Variants in DOK6 observed in about 807,000 individuals in gnomAD.
DOK6 encodes downstream of tyrosine kinase 6.
A neutral mutation model predicts 44.0 loss-of-function variants in DOK6; 22 were observed. That is an observed-to-expected ratio of 0.50 (90% CI 0.36 to 0.71). The LOEUF (loss-of-function observed/expected upper bound fraction) is 0.71, where lower values mean the gene tolerates loss of function less well. Ranked by LOEUF, DOK6 falls within the 30% of genes least tolerant of loss-of-function variation. DOK6 has a pLI of 0.00. For missense variants in DOK6, 340 were observed against 416.4 expected (o/e 0.82, Z 1.60); for synonymous variants, 166 against 145.5 (o/e 1.14, Z -1.01).
At chr18:69,533,322 T>G (rs940959653) in intron 1 of DOK6, among the ~76,000 whole-genome samples, 3 of 152,212 alleles carry the variant, frequency 2.0e-5, no homozygotes, top group Non-Finnish European at 4.4e-5. Flanking sequence ...TAAGCCATTT[T>G]AATTGTGTTC....
intron 3 of DOK6, among the ~76,000 whole-genome samples, chr18:69,658,218 C>T (rs1985419013): frequency 6.6e-6 from 1 of 151,902 alleles, no homozygotes; most frequent in Non-Finnish European, 1.5e-5. Flanking sequence ...TCTCAGAGAG[C>T]TGGGAATACA....
At chr18:69,746,751 T>C (rs1978998356) in intron 6 of DOK6, among the ~76,000 whole-genome samples, 1 of 152,210 alleles carries the variant, frequency 6.6e-6, no homozygotes, top group African/African-American at 2.4e-5. Context: ...AAATGGAAGA[T>C]TAAGGGTGAG....
At chr18:69,661,647 C>T (rs1017299460) in intron 3 of DOK6, 3 of 152,104 alleles carry the variant, frequency 2.0e-5, no homozygotes, top group Non-Finnish European at 2.9e-5. Flanking sequence ...TCATTCTTAC[C>T]AGATAATATA....
At chr18:69,652,487 G>C (rs1370611870) in intron 3 of DOK6, among the ~76,000 whole-genome samples, 1 of 152,166 alleles carries the variant, frequency 6.6e-6, no homozygotes, top group Non-Finnish European at 1.5e-5. Flanking sequence ...AATGACTTGG[G>C]CAATTCCAGC....
At position 69,641,042 on chromosome 18, in the gene DOK6, C is replaced by T. The variant is rs1314003695; in HGVS notation, c.290-36692C>T. Reference sequence around the variant, plus strand: ...ACCATCCTGGCCAACATAGTAAAACCACGTCTCTACTAAAATACAAAAAAT... The same window carrying T: ...ACCATCCTGGCCAACATAGTAAAACTACGTCTCTACTAAAATACAAAAAAT... On this transcript the variant is annotated intron_variant, in intron 3 of 7. Coordinates refer to ENST00000382713, the MANE Select transcript of DOK6 (RefSeq NM_152721.6). Among the ~76,000 whole-genome samples, 6 of 151,796 alleles carry T rather than the reference C, an allele frequency of 4.0e-5. No individual in the cohort carries two copies. The East Asian group carries it at 9.7e-4, about 25-fold the overall frequency.
At chr18:69,774,620 G>C (rs1980006063) in intron 7 of DOK6, among the ~76,000 whole-genome samples, 1 of 151,964 alleles carries the variant, frequency 6.6e-6, no homozygotes, top group African/African-American at 2.4e-5. Context: ...TTAGTCACAA[G>C]TGCAGAGAAA....
At chr18:69,536,931 A>C (rs1982137192) in intron 1 of DOK6, among the ~76,000 whole-genome samples, 1 of 151,242 alleles carries the variant, frequency 6.6e-6, no homozygotes. Flanking sequence ...CAAAATTATC[A>C]TACAGACACA....
At chr18:69,821,622 C>A (rs1981572913) in intron 7 of DOK6, among the ~76,000 whole-genome samples, 1 of 152,144 alleles carries the variant, frequency 6.6e-6, no homozygotes, top group Non-Finnish European at 1.5e-5. Flanking sequence ...AAACACGCTT[C>A]ACTCTTTTTA....
intron 5 of DOK6, among the ~76,000 whole-genome samples, chr18:69,704,475 C>CTTTTTTTT (rs10685670): frequency 2.8e-5 from 3 of 107,186 alleles, no homozygotes; most frequent in African/African-American, 3.7e-5. Context: ...CCAGATATGA[C>CTTTTTTTT]TTTTTTTTTT....
Position 69,757,812 on chromosome 18 carries a change from C to T in DOK6, c.795C>T (p.Arg265=), listed in dbSNP as rs748877854. Residue 265 remains arginine, a synonymous_variant, in exon 7 of 8, where the codon CGC becomes CGT. Transcript: ENST00000382713. ...MTLSKSISLP[R]SAYWHHITRQ... is the part of the protein sequence containing the mutation. ...TATCCAAATCAATATCTCTTCCTCG[C>T]AGCGCGTACTGGCATCACATCACTC... is the stretch of plus-strand genomic sequence containing the variant. 6.2e-7 allele frequency: 1 copy of T among 1,614,174 alleles called. No individual in the cohort carries two copies. The highest frequency in any genetic ancestry group is 8.5e-7 in the Non-Finnish European group (1 of 1,180,006).
intron 1 of DOK6, among the ~76,000 whole-genome samples, chr18:69,405,824 A>G (rs1013560140): frequency 6.6e-6 from 1 of 152,206 alleles, no homozygotes; most frequent in Non-Finnish European, 1.5e-5. Context: ...CATTCTGACT[A>G]TTTAAAAATT....
In DOK6 at chr18:69,760,697, A is replaced by G. The variant is rs113131166; in HGVS notation, c.856+2824A>G. ...TGCTGATCAGTTTCAGGTGTTTTCT[A>G]TCTAGTAGGAGCCTGCCTTTCCCGG... is the stretch of plus-strand genomic sequence containing the variant. On this transcript the variant is annotated intron_variant, in intron 7 of 7. Coordinates refer to ENST00000382713, the MANE Select transcript of DOK6 (RefSeq NM_152721.6). 7.9e-3 allele frequency among the ~76,000 whole-genome samples: 1,094 copies of G among 138,836 alleles called. 6 individuals are homozygous for G. The highest frequency in any genetic ancestry group is 0.019 in the Admixed American group (254 of 13,700). 91.1% of individuals were successfully genotyped at this position (138,836 alleles called of 152,430 possible).
intron 7 of DOK6, among the ~76,000 whole-genome samples, chr18:69,793,684 A>G (rs1980662966): frequency 6.6e-6 from 1 of 152,216 alleles, no homozygotes. Flanking sequence ...GGAACGTGAC[A>G]GAGCCAGAAT....
intron 2 of DOK6, among the ~76,000 whole-genome samples, chr18:69,576,227 G>C (rs1273900624): frequency 1.3e-5 from 2 of 151,814 alleles, no homozygotes; most frequent in Admixed American, 6.5e-5. Flanking sequence ...CCAGAATTGG[G>C]AAAAAATATT....
chr18:69,495,911 G>C (rs75400554), intron 1 of DOK6, among the ~76,000 whole-genome samples: 12,318 of 152,310 alleles, frequency 0.081, 1,646 homozygotes, highest in African/African-American at 0.28. Flanking sequence ...GACTGGGACA[G>C]CACCTGGGCT....
chr18:69,705,459 C>A (rs953891223), intron 5 of DOK6, among the ~76,000 whole-genome samples: 1 of 152,048 alleles, frequency 6.6e-6, no homozygotes, highest in Non-Finnish European at 1.5e-5. Context: ...TTGAAAGGTG[C>A]CTTGACTTTG....
chr18:69,602,774 T>C (rs1427144939), intron 3 of DOK6, among the ~76,000 whole-genome samples: 1 of 152,178 alleles, frequency 6.6e-6, no homozygotes, highest in East Asian at 1.9e-4. Flanking sequence ...AATATATCGA[T>C]GACCTACAGT....
At chr18:69,504,738 CA>C (rs1230894176) in intron 1 of DOK6, among the ~76,000 whole-genome samples, 2 of 151,880 alleles carry the variant, frequency 1.3e-5, no homozygotes, top group East Asian at 3.9e-4. Context: ...CACATGCTAT[CA>C]AAAAAACACA....
intron 1 of DOK6, among the ~76,000 whole-genome samples, chr18:69,426,840 CT>C (rs909323532): frequency 1.3e-5 from 2 of 151,976 alleles, no homozygotes; most frequent in Non-Finnish European, 2.9e-5. Context: ...TCCTTTATTT[CT>C]TTTTTTAACT....
Sources: allele counts gnomAD v4.1 joint callset (sites outside exome capture counted in the v4.1 genomes callset), GRCh38; gene constraint gnomAD v4.1.1; transcripts MANE v1.5; gene names NCBI Gene and HGNC (gene_info 2026-07-23, HGNC 2026-07-21).